Variants in ZSCAN25 observed in about 807,000 individuals in gnomAD.
The protein encoded by ZSCAN25 is zinc finger and SCAN domain containing 25.
Under a neutral mutation model 38.7 loss-of-function variants are expected in ZSCAN25, and 27 were observed. The ratio of observed to expected loss-of-function variants is 0.70; its 90% confidence interval spans 0.51 to 0.96. ZSCAN25 has a LOEUF of 0.96. Ranked by LOEUF, ZSCAN25 falls within the 40% of genes least tolerant of loss-of-function variation. The pLI is 0.00. For synonymous variants in ZSCAN25, 273 were observed against 277.7 expected (o/e 0.98, Z 0.17); for missense variants, 637 against 705.9 (o/e 0.90, Z 1.11).
the ZSCAN25 span, among the ~76,000 whole-genome samples, chr7:99,698,346 C>A: frequency 6.6e-6 from 1 of 152,192 alleles, no homozygotes; most frequent in Non-Finnish European, 1.5e-5. Context: ...AGATGCCAAC[C>A]TGTTTGCCTT....
chr7:99,656,164 C>T, the ZSCAN25 span, among the ~76,000 whole-genome samples: 1 of 152,282 alleles, frequency 6.6e-6, no homozygotes, highest in Non-Finnish European at 1.5e-5. Flanking sequence ...TGCCAGTTTT[C>T]AAAGGGAATG....
chr7:99,705,349 C>T, the ZSCAN25 span: 1 of 842,548 alleles, frequency 1.2e-6, no homozygotes. Flanking sequence ...CATGAGAGAG[C>T]ACAATGCACG....
rs1412893646 is a variant in ZSCAN25, at chr7:99,632,025, C to T, written c.*2005C>T. ...AAAGGCAGGTGGGGACTGGGGAGGC[C>T]TCGGGGGGCTGCTTGTCATTACCTG... On this transcript the variant is annotated 3_prime_UTR_variant, in exon 8 of 8. Coordinates refer to ENST00000394152, the MANE Select transcript of ZSCAN25 (RefSeq NM_145115.3). The T allele has an allele frequency of 1.0e-6, 1 of 985,354 alleles. No individual in the cohort carries two copies. Among genetic ancestry groups the T allele is most frequent in the Non-Finnish European group, 1.2e-6 (1 of 829,980 alleles). The allele number at this position is 985,354 out of a possible 1,614,324, so 61.0% of individuals were successfully genotyped here.
chr7:99,651,530 C>T, the ZSCAN25 span, among the ~76,000 whole-genome samples: 1 of 152,128 alleles, frequency 6.6e-6, no homozygotes, highest in African/African-American at 2.4e-5. Context: ...AGAACTTGGT[C>T]AGCTCTGACT....
the ZSCAN25 span, among the ~76,000 whole-genome samples, chr7:99,638,063 A>T: frequency 6.6e-6 from 1 of 152,168 alleles, no homozygotes; most frequent in Non-Finnish European, 1.5e-5. Context: ...AAAGCCGAAA[A>T]AGGAAAAAGA....
chr7:99,630,076 G>T lies in ZSCAN25; in HGVS notation c.*56G>T. 6.9e-7 allele frequency: 1 copy of T among 1,459,110 alleles called. No individual in the cohort carries two copies. The highest frequency in any genetic ancestry group is 1.4e-5 in the South Asian group (1 of 69,078). 90.4% of individuals were successfully genotyped at this position (1,459,110 alleles called of 1,614,324 possible). On this transcript the variant is annotated 3_prime_UTR_variant, in exon 8 of 8. Coordinates refer to ENST00000394152, the MANE Select transcript of ZSCAN25 (RefSeq NM_145115.3). The stretch of plus-strand genomic sequence containing the variant: ...CATCTTTCTCACTGCAGGGCCTTGC[G>T]GGGTGCAAGGTGATGGCTGCAGGAA...
the ZSCAN25 span, among the ~76,000 whole-genome samples, chr7:99,729,962 GA>G: frequency 2.0e-5 from 3 of 152,152 alleles, no homozygotes; most frequent in South Asian, 4.1e-4. Context: ...TTTGCAGAGG[GA>G]AAAAATATGA....
rs1584351005 is a variant in ZSCAN25 at position 99,622,577 on chromosome 7, C to T, written c.618C>T (p.Gly206=). ...TACCTGTTCTGCAGGCGGGTCCTGGCCTCCCCGCAGTGAATCCCAGAGACC... is the reference window on the plus strand; with the variant it reads ...TACCTGTTCTGCAGGCGGGTCCTGGTCTCCCCGCAGTGAATCCCAGAGACC... ...QALPVLQAGP[G]LPAVNPRDQE... The change falls in exon 6 of 8, where the codon GGC becomes GGT. Residue 206 remains glycine (G), a synonymous_variant. Transcript: ENST00000394152. 2.5e-6 allele frequency: 4 copies of T among 1,614,128 alleles called. No homozygotes were observed. The East Asian group carries it at 8.9e-5, about 36-fold the overall frequency.
the ZSCAN25 span, among the ~76,000 whole-genome samples, chr7:99,643,298 T>G: frequency 7.9e-5 from 12 of 152,146 alleles, no homozygotes; most frequent in Non-Finnish European, 1.5e-4. Context: ...GCGTTTGCCA[T>G]AAGAGAAGAA....
chr7:99,646,898 A>T, the ZSCAN25 span, among the ~76,000 whole-genome samples: 1 of 142,642 alleles, frequency 7.0e-6, no homozygotes, highest in African/African-American at 3.0e-5. Context: ...ACTATCTATT[A>T]TCTATCTATC....
chr7:99,649,740 A>T, the ZSCAN25 span, among the ~76,000 whole-genome samples: 4 of 152,344 alleles, frequency 2.6e-5, no homozygotes, highest in South Asian at 8.3e-4. Flanking sequence ...GATGGAGAAC[A>T]CCATTTAAGT....
chr7:99,640,203 GGCTGGAGT>G, the ZSCAN25 span, among the ~76,000 whole-genome samples: 1 of 152,178 alleles, frequency 6.6e-6, no homozygotes, highest in Non-Finnish European at 1.5e-5. Context: ...TTGTTGCCCA[GGCTGGAGT>G]GCAATGGTGC....
the ZSCAN25 span, chr7:99,672,459 G>A: frequency 1.3e-6 from 1 of 790,808 alleles, no homozygotes. Context: ...ACAGGATGAA[G>A]AGTACATGGA....
At chr7:99,653,763 C>T in the ZSCAN25 span, among the ~76,000 whole-genome samples, 1 of 152,176 alleles carries the variant, frequency 6.6e-6, no homozygotes, top group Non-Finnish European at 1.5e-5. This position sits in a 1 kb window ranked among gnomAD's most constrained non-coding sequence, Gnocchi z 4.2. Context: ...AAAAGAATCC[C>T]AGTTTGGGCA....
chr7:99,701,156 C>G, the ZSCAN25 span, among the ~76,000 whole-genome samples: 22 of 152,244 alleles, frequency 1.4e-4, no homozygotes, highest in Admixed American at 1.2e-3. Context: ...GACATTAGCT[C>G]AATTGTTTTG....
chr7:99,710,009 C>T, the ZSCAN25 span, among the ~76,000 whole-genome samples: 1 of 152,128 alleles, frequency 6.6e-6, no homozygotes, highest in African/African-American at 2.4e-5. Context: ...CCCCACACAG[C>T]CCTGTCCTCA....
the ZSCAN25 span, among the ~76,000 whole-genome samples, chr7:99,714,125 G>T: frequency 1.3e-5 from 2 of 152,190 alleles, no homozygotes; most frequent in Non-Finnish European, 2.9e-5. Flanking sequence ...CAGGTGGCCT[G>T]ATAGGACCTT....
downstream of ZSCAN25, among the ~76,000 whole-genome samples, chr7:99,635,684 C>T (rs1808246415): frequency 6.6e-6 from 1 of 151,316 alleles, no homozygotes; most frequent in Non-Finnish European, 1.5e-5. Context: ...ACTATGCTCC[C>T]AGTTATTTTA....
chr7:99,732,347 G>A, the ZSCAN25 span, among the ~76,000 whole-genome samples: 1 of 152,164 alleles, frequency 6.6e-6, no homozygotes, highest in Admixed American at 6.5e-5. Flanking sequence ...GCAGAACCAT[G>A]AGCCAATTAA....
Sources: gnomAD v4.1 joint callset for allele counts (sites outside exome capture counted in the v4.1 genomes callset) on GRCh38, gnomAD v4.1.1 for gene constraint, Gnocchi (gnomAD v3.1) non-coding constraint, MANE v1.5 for transcripts, NCBI Gene and HGNC (gene_info 2026-07-23, HGNC 2026-07-21) for gene names.